The following PDXK variants were observed in gnomAD, a reference collection of about 807,000 sequenced individuals.
PDXK encodes the protein pyridoxal kinase.
In PDXK, 15 loss-of-function variants were observed where a neutral mutation model predicts 43.2. That is an observed-to-expected ratio of 0.35 (90% CI 0.23 to 0.53). The LOEUF (loss-of-function observed/expected upper bound fraction) is 0.53, where lower values mean the gene tolerates loss of function less well. Among genes scored for constraint, PDXK ranks in the 20% least tolerant of loss-of-function variants. The pLI is 0.92. For missense variants in PDXK, 343 were observed against 417.0 expected, an observed-to-expected ratio of 0.82 and a Z score of 1.54; for synonymous variants, 172 against 165.4, an observed-to-expected ratio of 1.04 and a Z score of -0.31.
rs575978865 is a variant in PDXK at position 43,760,595 on chromosome 21, C to T, written c.*4532C>T. 6.6e-6 allele frequency: 1 copy of T among 152,274 alleles called. No individual in the cohort carries two copies. Among genetic ancestry groups the T allele is most frequent in the Non-Finnish European group, 1.5e-5 (1 of 68,050 alleles). The allele number at this position is 152,274 out of a possible 1,614,324, so 9.4% of individuals were successfully genotyped here. ...CAGGGCCAGGTCCCTGCGTCCATCC[C>T]CCCCGGTAGGATGGACGTGAGCCAT... On this transcript the variant is annotated 3_prime_UTR_variant, in exon 11 of 11. Transcript: ENST00000291565.
intron 1 of PDXK, among the ~76,000 whole-genome samples, chr21:43,727,131 A>C (rs1355492017): frequency 6.6e-6 from 1 of 152,228 alleles, no homozygotes; most frequent in Non-Finnish European, 1.5e-5. Flanking sequence ...CAGAACGGGC[A>C]GCTTCGGGGA....
In PDXK at chr21:43,760,814, C is replaced by T. The variant is rs2083922076; in HGVS notation, c.*4751C>T. ...GCCACTGCCCGGGCATCCCATCACC[C>T]ACCAGGGTGCACGGTCTCTCCTGCT... On this transcript the variant is annotated 3_prime_UTR_variant, in exon 11 of 11. Transcript: ENST00000291565. 6.6e-6 allele frequency: 1 copy of T among 152,258 alleles called. No individual in the cohort carries two copies. Among genetic ancestry groups the T allele is most frequent in the African/African-American group, 2.4e-5 (1 of 41,450 alleles). 9.4% of individuals were successfully genotyped at this position (152,258 alleles called of 1,614,324 possible). A position where few individuals can be genotyped will look rare whatever the true frequency, so the allele number is the denominator to read the frequency against.
intron 1 of PDXK, among the ~76,000 whole-genome samples, chr21:43,730,804 A>G (rs2083308147): frequency 6.6e-6 from 1 of 152,008 alleles, no homozygotes; most frequent in Admixed American, 6.6e-5. Context: ...AAAATATAAA[A>G]ATTAGCCAGG....
intron 1 of PDXK, among the ~76,000 whole-genome samples, chr21:43,725,266 TGAGCC>T (rs2147206899): frequency 6.6e-6 from 1 of 152,176 alleles, no homozygotes; most frequent in East Asian, 1.9e-4. Flanking sequence ...GAGCTTGCAG[TGAGCC>T]GAGATCGCGC....
intron 8 of PDXK, 29 bp from the exon 9 acceptor site, chr21:43,753,554 C>T (rs1391965214): frequency 3.8e-6 from 6 of 1,594,752 alleles, no homozygotes; most frequent in Non-Finnish European, 5.1e-6. Flanking sequence ...CGGCAGATCT[C>T]AGTGACCTTG....
In PDXK at chr21:43,734,013, C is replaced by T. The variant is rs2083363654; in HGVS notation, c.88-56C>T. On this transcript the variant is annotated intron_variant, in intron 1 of 10. Transcript: ENST00000291565. The surrounding 1 kb of genome is among the most constrained non-coding windows in gnomAD (Gnocchi z 5.0). Reference sequence around the variant, plus strand: ...TTCTGAGTCAGCACCTGCTGGGGTTCGTGGGACCCCAGACCTGGCTCTCTT... The same window carrying T: ...TTCTGAGTCAGCACCTGCTGGGGTTTGTGGGACCCCAGACCTGGCTCTCTT... 12 of 1,565,068 alleles carry T rather than the reference C, an allele frequency of 7.7e-6. No individual in the cohort carries two copies. The highest frequency in any genetic ancestry group is 1.7e-4 in the Middle Eastern group (1 of 5,994).
At chr21:43,753,749 C>A in intron 9 of PDXK, 30 bp downstream of exon 9, 1 of 1,588,170 alleles carries the variant, frequency 6.3e-7, no homozygotes, top group Non-Finnish European at 8.6e-7. Context: ...CCCCTCCTCG[C>A]CCACTCCCAC....
At chr21:43,745,034 G>A (rs551962538) in intron 4 of PDXK, among the ~76,000 whole-genome samples, 70 of 152,298 alleles carry the variant, frequency 4.6e-4, no homozygotes, top group African/African-American at 1.6e-3. Context: ...ACACGATCCC[G>A]CTATCTGAAA....
intron 5 of PDXK, 39 bp from the exon 6 acceptor site, chr21:43,748,956 G>A (rs552392400): frequency 6.8e-6 from 9 of 1,314,588 alleles, no homozygotes; most frequent in South Asian, 2.4e-5. Flanking sequence ...CTTCCCTCAC[G>A]GTGACTCAGC....
rs1436770199 is a variant in PDXK, at chr21:43,754,101, C to G, written c.759+382C>G. On this transcript the variant is annotated intron_variant, in intron 9 of 10. Transcript: ENST00000291565. The surrounding 1 kb of genome is among the most constrained non-coding windows in gnomAD (Gnocchi z 5.5). ...GGGGCTGCTGCAGAGGAGTGGCACC[C>G]TGCAGCATTTCCCACAGTGTGACCA... is the stretch of plus-strand genomic sequence containing the variant. Among the ~76,000 whole-genome samples the G allele has an allele frequency of 2.0e-5, 3 of 152,212 alleles. No individual in the cohort carries two copies. Among genetic ancestry groups the G allele is most frequent in the Non-Finnish European group, 4.4e-5 (3 of 68,034 alleles).
chr21:43,743,667 A>G, intron 3 of PDXK, 57 bp from the exon 4 acceptor site: 2 of 1,216,584 alleles, frequency 1.6e-6, no homozygotes, highest in Non-Finnish European at 1.2e-6. Context: ...TTTGTGCCAC[A>G]GTTGATCGTG....
chr21:43,752,555 T>C lies in PDXK; in HGVS notation c.548T>C (p.Val183Ala). 6.2e-7 allele frequency: 1 copy of C among 1,612,810 alleles called. No individual in the cohort carries two copies. Among genetic ancestry groups the C allele is most frequent in the Non-Finnish European group, 8.5e-7 (1 of 1,179,908 alleles). The part of the protein sequence containing the change: ...DMLHSMGPDT[V>A]VITSSDLPSP... The stretch of plus-strand genomic sequence containing the variant: ...CTGCACTCTATGGGCCCCGACACCG[T>C]GGTCATCACCAGCTCCGACCTGCCC... Residue 183 changes from valine to alanine, a missense_variant, in exon 8 of 11, where the codon GTG becomes GCG. Val to Ala is a moderately conservative substitution (Grantham distance 64, BLOSUM62 0). Transcript: ENST00000291565.
In PDXK at chr21:43,746,062, C is replaced by G. The variant is rs2147284525; in HGVS notation, c.332-17C>G. On this transcript the variant is annotated splice_polypyrimidine_tract_variant and intron_variant, in intron 4 of 10. Coordinates refer to ENST00000291565, the MANE Select transcript of PDXK (RefSeq NM_003681.5). ...AGCTGTAGCCTTTGCTGATAAGATG[C>G]CCTTGTGTCTCTGCAGTGTGTGATC... The G allele has an allele frequency of 2.5e-6, 4 of 1,607,134 alleles. No individual in the cohort carries two copies. In the East Asian group the frequency reaches 8.9e-5, roughly 36 times the overall value.
In PDXK at chr21:43,753,617, C is replaced by T. The variant is rs2083794322; in HGVS notation, c.657C>T (p.Ile219=). 2 of 1,613,422 alleles carry T rather than the reference C, an allele frequency of 1.2e-6. No individual in the cohort carries two copies. Among genetic ancestry groups the T allele is most frequent in the South Asian group, 1.1e-5 (1 of 91,026 alleles). ...NPAGSVVMER[I]RMDIRKVDAV... ...CTGGCTCCGTGGTGATGGAACGCAT[C>T]CGGATGGACATTCGCAAAGTGGACG... The change falls in exon 9 of 11, where the codon ATC becomes ATT. Residue 219 remains isoleucine, a synonymous_variant. Coordinates refer to ENST00000291565, the MANE Select transcript of PDXK (RefSeq NM_003681.5).
Position 43,734,092 on chromosome 21 carries a change from G to T in PDXK, c.111G>T (p.Ala37=). ...AGGTTTTGGGATTTGAGATTGACGC[G>T]GTGAACTCTGTCCAGTTTTCAAACC... ...PLQVLGFEID[A]VNSVQFSNHT... Residue 37 remains alanine (A), a synonymous_variant, in exon 2 of 11, where the codon GCG becomes GCT. Transcript: ENST00000291565. The surrounding 1 kb of genome is among the most constrained non-coding windows in gnomAD (Gnocchi z 5.0). The T allele has an allele frequency of 6.2e-7, 1 of 1,614,184 alleles. No individual in the cohort carries two copies. The highest frequency in any genetic ancestry group is 8.5e-7 in the Non-Finnish European group (1 of 1,180,018).
chr21:43,732,539 G>A lies in PDXK; in HGVS notation c.88-1530G>A. 8.9e-7 allele frequency: 1 copy of A among 1,118,034 alleles called. No individual in the cohort carries two copies. Among genetic ancestry groups the A allele is most frequent in the Non-Finnish European group, 1.4e-6 (1 of 727,706 alleles). The allele number at this position is 1,118,034 out of a possible 1,614,324, so 69.3% of individuals were successfully genotyped here. Reference sequence around the variant, plus strand: ...ACTTCATTCTCGGATACGTTTGCCAGCCCCAAAGGATTAATTATCTACACA... The same window carrying A: ...ACTTCATTCTCGGATACGTTTGCCAACCCCAAAGGATTAATTATCTACACA... On this transcript the variant is annotated intron_variant, in intron 1 of 10. Coordinates refer to ENST00000291565, the MANE Select transcript of PDXK (RefSeq NM_003681.5). The surrounding 1 kb of genome is among the most constrained non-coding windows in gnomAD (Gnocchi z 4.1).
chr21:43,750,703 GTGTGTGTACA>G (rs2083721220), intron 7 of PDXK, among the ~76,000 whole-genome samples, 158 bp downstream of exon 7: 4 of 152,348 alleles, frequency 2.6e-5, no homozygotes, highest in East Asian at 3.9e-4. Flanking sequence ...GGATATATGT[GTGTGTGTACA>G]TGTGTGGACA....
At chr21:43,725,693 C>A (rs1194651853) in intron 1 of PDXK, among the ~76,000 whole-genome samples, 2 of 151,986 alleles carry the variant, frequency 1.3e-5, no homozygotes, top group Admixed American at 6.6e-5. Context: ...CTACTGTAAT[C>A]CCAGCTACTC....
intron 1 of PDXK, among the ~76,000 whole-genome samples, chr21:43,728,107 C>T (rs1018229682): frequency 3.3e-5 from 5 of 152,150 alleles, no homozygotes; most frequent in African/African-American, 1.2e-4. Flanking sequence ...GCGATGGACC[C>T]TGGAGCTGTG....
Sources: allele counts gnomAD v4.1 joint callset (sites outside exome capture counted in the v4.1 genomes callset), GRCh38; gene constraint gnomAD v4.1.1; non-coding constraint Gnocchi (gnomAD v3.1); transcripts MANE v1.5; gene names NCBI Gene and HGNC (gene_info 2026-07-23, HGNC 2026-07-21).